The following LIPI variants were observed in gnomAD, a reference collection of about 807,000 sequenced individuals.
The protein encoded by LIPI is lipase I.
A neutral mutation model predicts 50.6 loss-of-function variants in LIPI; 59 were observed. That is an observed-to-expected ratio of 1.16 (90% CI 0.94 to 1.45). The LOEUF is 1.45. LIPI is among the 40% of genes most tolerant of loss of function. The pLI, the probability that LIPI is intolerant of heterozygous loss-of-function variation, is 0.00. For synonymous variants in LIPI, 203 were observed against 178.2 expected (o/e 1.14, Z -1.11); for missense variants, 586 against 536.3 (o/e 1.09, Z -0.92).
intron 9 of LIPI, among the ~76,000 whole-genome samples, chr21:14,113,907 G>A (rs556371511): frequency 6.6e-6 from 1 of 152,290 alleles, no homozygotes; most frequent in East Asian, 1.9e-4. Flanking sequence ...TCAGATCTTG[G>A]CCGGGCTCAG....
intron 9 of LIPI, among the ~76,000 whole-genome samples, chr21:14,128,530 T>C (rs2017156870): frequency 6.6e-6 from 1 of 152,192 alleles, no homozygotes; most frequent in East Asian, 1.9e-4. Flanking sequence ...AAATAGCATT[T>C]GTAATGTAGT....
At chr21:14,149,732 G>C (rs2018024071) in intron 8 of LIPI, among the ~76,000 whole-genome samples, 1 of 152,184 alleles carries the variant, frequency 6.6e-6, no homozygotes, top group Non-Finnish European at 1.5e-5. Context: ...CAATAGGGCA[G>C]TCATTAAACC....
intron 1 of LIPI, among the ~76,000 whole-genome samples, chr21:14,189,810 T>C (rs1399044748): frequency 6.6e-6 from 1 of 152,064 alleles, no homozygotes; most frequent in East Asian, 1.9e-4. Flanking sequence ...TAGCATAAAA[T>C]ATATTTAACT....
chr21:14,150,651 A>C (rs924602867), intron 8 of LIPI, among the ~76,000 whole-genome samples: 1 of 152,210 alleles, frequency 6.6e-6, no homozygotes, highest in Non-Finnish European at 1.5e-5. Context: ...TCATGTGTGA[A>C]TGTGTATGTA....
chr21:14,130,440 G>A (rs953711468), intron 9 of LIPI, among the ~76,000 whole-genome samples: 2 of 152,034 alleles, frequency 1.3e-5, no homozygotes, highest in Non-Finnish European at 2.9e-5. Flanking sequence ...CCACCACCTC[G>A]CCAAGGAAGG....
intron 9 of LIPI, among the ~76,000 whole-genome samples, chr21:14,116,494 C>T (rs368570153): frequency 1.6e-4 from 24 of 152,166 alleles, no homozygotes; most frequent in East Asian, 1.5e-3. Context: ...GCATTGAAGC[C>T]GACTCCATTA....
In LIPI at chr21:14,189,457, A is replaced by G. The variant is rs763208290; in HGVS notation, c.47-38T>C. The G allele has an allele frequency of 7.0e-6, 11 of 1,576,252 alleles. 1 individual carries two copies. The South Asian group carries it at 1.1e-4, about 16-fold the overall frequency. On this transcript the variant is annotated intron_variant, in intron 1 of 9. Coordinates refer to ENST00000681601, the MANE Select transcript of LIPI (RefSeq NM_001302998.2). ...AATGTCAGTCAAGCTGAGTACTGGG[A>G]TAGTATTTTATTCCTGTTGCTATTG...
At chr21:14,116,834 C>A (rs1205794893) in intron 9 of LIPI, among the ~76,000 whole-genome samples, 1 of 152,182 alleles carries the variant, frequency 6.6e-6, no homozygotes, top group Non-Finnish European at 1.5e-5. Flanking sequence ...AAAAGACCCA[C>A]AAAGTGCAGG....
intron 4 of LIPI, among the ~76,000 whole-genome samples, chr21:14,178,215 A>G (rs2019158005): frequency 6.6e-6 from 1 of 152,146 alleles, no homozygotes; most frequent in Non-Finnish European, 1.5e-5. Context: ...GGCATTTTGA[A>G]CTTGTAGACT....
At position 14,108,956 on chromosome 21, in the gene LIPI, A is replaced by G; in HGVS notation, c.*37T>C. 6.2e-7 allele frequency: 1 copy of G among 1,609,814 alleles called. No homozygotes were observed. The highest frequency in any genetic ancestry group is 8.5e-7 in the Non-Finnish European group (1 of 1,176,812). ...GCATTGTTTCATTTACAAGTCCATT[A>G]ATTCACAAGCAAGTGCATTTGATGG... On this transcript the variant is annotated 3_prime_UTR_variant, in exon 10 of 10. Coordinates refer to ENST00000681601, the MANE Select transcript of LIPI (RefSeq NM_001302998.2).
chr21:14,131,014 G>T (rs1403710251), intron 9 of LIPI, among the ~76,000 whole-genome samples: 1 of 152,110 alleles, frequency 6.6e-6, no homozygotes, highest in African/African-American at 2.4e-5. Flanking sequence ...GCAGTGGCAC[G>T]ATCTCAGCTC....
At chr21:14,180,692 C>A (rs1479795720) in intron 4 of LIPI, among the ~76,000 whole-genome samples, 1 of 152,176 alleles carries the variant, frequency 6.6e-6, no homozygotes, top group Non-Finnish European at 1.5e-5. Flanking sequence ...ACTATGACTT[C>A]TTTGGTTTTG....
In LIPI at chr21:14,125,645, C is replaced by T. The variant is rs534957314; in HGVS notation, c.1296-16565G>A. Among the ~76,000 whole-genome samples, 19 of 152,282 alleles carry T rather than the reference C, an allele frequency of 1.2e-4. 2 individuals carry two copies. The highest frequency in any genetic ancestry group is 1.2e-3 in the South Asian group (6 of 4,826). On this transcript the variant is annotated intron_variant, in intron 9 of 9. Transcript: ENST00000681601. Reference sequence around the variant, plus strand: ...CGATCTCTGCTCACTGCAACCTCTGCCTCCCAGGTTCAAGTGATTCTCCTG... The same window carrying T: ...CGATCTCTGCTCACTGCAACCTCTGTCTCCCAGGTTCAAGTGATTCTCCTG...
At position 14,203,792 on chromosome 21, in the gene LIPI, T is replaced by C. The variant is rs147958997; in HGVS notation, c.46+7008A>G. 7.5e-3 allele frequency among the ~76,000 whole-genome samples: 1,148 copies of C among 152,064 alleles called. 18 individuals are homozygous for C. Among genetic ancestry groups the C allele is most frequent in the African/African-American group, 0.027 (1,101 of 41,494 alleles). On this transcript the variant is annotated intron_variant, in intron 1 of 9. Coordinates refer to ENST00000681601, the MANE Select transcript of LIPI (RefSeq NM_001302998.2). ...GTGCAGCACACCAACATGGCACATG[T>C]ATACATATGTAACTAACCTGCACGT...
chr21:14,114,391 G>A (rs1442571841), intron 9 of LIPI, among the ~76,000 whole-genome samples: 1 of 151,954 alleles, frequency 6.6e-6, no homozygotes, highest in Non-Finnish European at 1.5e-5. Context: ...ACAAAACAAG[G>A]GACCATAGAA....
intron 9 of LIPI, among the ~76,000 whole-genome samples, chr21:14,112,345 T>C (rs937575949): frequency 3.3e-5 from 5 of 152,242 alleles, no homozygotes; most frequent in African/African-American, 1.2e-4. Flanking sequence ...CATACAAATT[T>C]TAAGGTTTTT....
intron 9 of LIPI, among the ~76,000 whole-genome samples, chr21:14,118,589 C>G (rs2016743461): frequency 6.6e-6 from 1 of 152,184 alleles, no homozygotes; most frequent in South Asian, 2.1e-4. Flanking sequence ...GGTATTAACA[C>G]TCACAATCCC....
At chr21:14,178,588 A>T (rs2019169978) in intron 4 of LIPI, among the ~76,000 whole-genome samples, 1 of 152,080 alleles carries the variant, frequency 6.6e-6, no homozygotes, top group Non-Finnish European at 1.5e-5. Flanking sequence ...TTTTTGTTAA[A>T]TTTTTCAGTC....
chr21:14,182,855 A>G (rs908408085), intron 3 of LIPI, among the ~76,000 whole-genome samples: 2 of 152,212 alleles, frequency 1.3e-5, no homozygotes, highest in Admixed American at 1.3e-4. Context: ...AAACAAATGG[A>G]AGAACATTCC....
Sources: allele counts gnomAD v4.1 joint callset (sites outside exome capture counted in the v4.1 genomes callset), GRCh38; gene constraint gnomAD v4.1.1; transcripts MANE v1.5; gene names NCBI Gene and HGNC (gene_info 2026-07-23, HGNC 2026-07-21).